The following ZNF704 variants were observed in gnomAD, a reference collection of about 807,000 sequenced individuals.
The protein encoded by ZNF704 is glucocorticoid induced gene 1.
ZNF704 carries 10 observed loss-of-function variants against 44.7 expected under a neutral mutation model. That is an observed-to-expected ratio of 0.22 (90% CI 0.14 to 0.38). The LOEUF is 0.38. Among genes scored for constraint, ZNF704 ranks in the 10% least tolerant of loss-of-function variants. The pLI is 1.00. For synonymous variants in ZNF704, 211 were observed against 207.6 expected, an observed-to-expected ratio of 1.02 and a Z score of -0.14; for missense variants, 390 against 545.5, an observed-to-expected ratio of 0.71 and a Z score of 2.84.
chr8:80,710,895 T>A (rs1365393708), intron 2 of ZNF704, among the ~76,000 whole-genome samples: 1 of 152,194 alleles, frequency 6.6e-6, no homozygotes, highest in Non-Finnish European at 1.5e-5. Flanking sequence ...TTAGGTTGAA[T>A]AAGACAACAT....
chr8:80,798,292 G>C (rs979399127), intron 2 of ZNF704, among the ~76,000 whole-genome samples: 1 of 146,472 alleles, frequency 6.8e-6, no homozygotes, highest in Non-Finnish European at 1.5e-5. Flanking sequence ...TTCTGCTCTT[G>C]TTGCCCAGGC....
chr8:80,847,996 T>C (rs1472412250), intron 1 of ZNF704, among the ~76,000 whole-genome samples: 1 of 152,224 alleles, frequency 6.6e-6, no homozygotes, highest in Non-Finnish European at 1.5e-5. Flanking sequence ...TCATCACAGC[T>C]TTATTCATAA....
intron 4 of ZNF704, among the ~76,000 whole-genome samples, chr8:80,674,196 A>G (rs1279704342): frequency 1.3e-5 from 2 of 152,218 alleles, no homozygotes; most frequent in Admixed American, 1.3e-4. Flanking sequence ...AGTGATCTAA[A>G]CACATGAAAT....
At chr8:80,730,628 A>T (rs1342138482) in intron 2 of ZNF704, among the ~76,000 whole-genome samples, 2 of 151,742 alleles carry the variant, frequency 1.3e-5, no homozygotes, top group Non-Finnish European at 2.9e-5. Flanking sequence ...CAACAATAAT[A>T]ATGTATTTTA....
chr8:80,833,537 T>C (rs939918578), intron 1 of ZNF704, among the ~76,000 whole-genome samples: 3 of 152,246 alleles, frequency 2.0e-5, no homozygotes, highest in Non-Finnish European at 4.4e-5. Flanking sequence ...ATAGTCCTAA[T>C]GAATGGCTAT....
At chr8:80,878,251 A>AG (rs1243083451), upstream of ZNF704, among the ~76,000 whole-genome samples, 128 of 139,600 alleles carry the variant, frequency 9.2e-4, no homozygotes, top group Middle Eastern at 7.1e-3. Flanking sequence ...AGAAAGAGAA[A>AG]GAAAGGAAGG....
intron 2 of ZNF704, among the ~76,000 whole-genome samples, chr8:80,788,854 C>T (rs1303695407): frequency 1.3e-5 from 2 of 152,124 alleles, no homozygotes; most frequent in Admixed American, 1.3e-4. Context: ...GTGTTGCGTA[C>T]CCTTAAGAAT....
intron 3 of ZNF704, among the ~76,000 whole-genome samples, chr8:80,689,735 A>C (rs1818600588): frequency 6.6e-6 from 1 of 152,238 alleles, no homozygotes; most frequent in Non-Finnish European, 1.5e-5. Context: ...ACATGGCTTC[A>C]TGTCAATGCC....
At chr8:80,733,216 T>C (rs147817622) in intron 2 of ZNF704, among the ~76,000 whole-genome samples, 115 of 152,300 alleles carry the variant, frequency 7.6e-4, no homozygotes, top group East Asian at 4.1e-3. Flanking sequence ...TCATAGAACA[T>C]ATTAAACATT....
chr8:80,844,216 T>C (rs1808730125), intron 1 of ZNF704, among the ~76,000 whole-genome samples: 1 of 152,124 alleles, frequency 6.6e-6, no homozygotes, highest in African/African-American at 2.4e-5. Context: ...CTCAGACCAC[T>C]ACAACAGAAT....
At chr8:80,842,101 T>C (rs1586068338) in intron 1 of ZNF704, among the ~76,000 whole-genome samples, 1 of 152,164 alleles carries the variant, frequency 6.6e-6, no homozygotes, top group Non-Finnish European at 1.5e-5. Context: ...CTGGCCTAAA[T>C]CATATTCATA....
At chr8:80,752,180 T>C (rs1365774908) in intron 2 of ZNF704, among the ~76,000 whole-genome samples, 2 of 152,202 alleles carry the variant, frequency 1.3e-5, no homozygotes, top group Non-Finnish European at 2.9e-5. Context: ...ACACAGATGA[T>C]TTCATTATAT....
At chr8:80,643,437 G>C (rs999644685) in intron 7 of ZNF704, among the ~76,000 whole-genome samples, 3 of 143,766 alleles carry the variant, frequency 2.1e-5, no homozygotes, top group African/African-American at 7.8e-5. Context: ...AGAACTGCTT[G>C]AACCCCGGGG....
At chr8:80,719,082 C>T (rs1330803225) in intron 2 of ZNF704, among the ~76,000 whole-genome samples, 1 of 152,104 alleles carries the variant, frequency 6.6e-6, no homozygotes, top group Non-Finnish European at 1.5e-5. Flanking sequence ...TTCTCCACCT[C>T]AGCCTCCCTA....
intron 2 of ZNF704, among the ~76,000 whole-genome samples, chr8:80,703,463 T>G (rs1183920630): frequency 1.1e-4 from 16 of 152,060 alleles, no homozygotes. Flanking sequence ...CACAAACCCT[T>G]GCTTAGGGTA....
intron 2 of ZNF704, among the ~76,000 whole-genome samples, chr8:80,783,737 G>C (rs1226526268): frequency 6.6e-6 from 1 of 152,050 alleles, no homozygotes; most frequent in East Asian, 1.9e-4. Flanking sequence ...CCTACACTGA[G>C]ACATTATCAC....
rs559695206 is a variant in ZNF704, at chr8:80,718,972, T to C, written c.222-25865A>G. On this transcript the variant is annotated intron_variant, in intron 2 of 8. Coordinates refer to ENST00000327835, the MANE Select transcript of ZNF704 (RefSeq NM_001033723.3). ...CAGAGTGAGCACTCTACATTTTTTT[T>C]CTTTTTTTTTGAGACAGGGTCTCAC... is the stretch of plus-strand genomic sequence containing the variant. Among the ~76,000 whole-genome samples, 40 of 150,458 alleles carry C rather than the reference T, an allele frequency of 2.7e-4. 1 individual carries two copies. Among genetic ancestry groups the C allele is most frequent in the African/African-American group, 9.9e-4 (40 of 40,218 alleles).
intron 4 of ZNF704, among the ~76,000 whole-genome samples, chr8:80,679,129 C>T (rs932413101): frequency 2.0e-5 from 3 of 152,142 alleles, no homozygotes; most frequent in African/African-American, 7.2e-5. Flanking sequence ...TTAATAATGG[C>T]CTTCCAAGGT....
chr8:80,710,990 AG>A (rs1395247533), intron 2 of ZNF704, among the ~76,000 whole-genome samples: 2 of 152,182 alleles, frequency 1.3e-5, no homozygotes, highest in Admixed American at 6.5e-5. Context: ...AGTTTCGCAT[AG>A]GGCTAATTCT....
Sources: allele counts gnomAD v4.1 joint callset (sites outside exome capture counted in the v4.1 genomes callset), GRCh38; gene constraint gnomAD v4.1.1; transcripts MANE v1.5; gene names NCBI Gene and HGNC (gene_info 2026-07-23, HGNC 2026-07-21).